Variants in ICA1 observed in about 807,000 individuals in gnomAD.
ICA1 encodes the protein islet cell autoantigen 1.
ICA1 carries 40 observed loss-of-function variants against 71.0 expected under a neutral mutation model. That is an observed-to-expected ratio of 0.56 (90% CI 0.44 to 0.73). ICA1 has a LOEUF of 0.73. Among genes scored for constraint, ICA1 ranks in the 30% least tolerant of loss-of-function variants. The pLI is 0.00. For missense variants in ICA1, 578 were observed against 576.5 expected, an observed-to-expected ratio of 1.00 and a Z score of -0.03; for synonymous variants, 207 against 209.5, an observed-to-expected ratio of 0.99 and a Z score of 0.10.
chr7:8,188,348 A>G (rs1215538061), intron 6 of ICA1, among the ~76,000 whole-genome samples: 1 of 152,144 alleles, frequency 6.6e-6, no homozygotes, highest in Non-Finnish European at 1.5e-5. Flanking sequence ...CCATTCTTGT[A>G]GCATCCTACA....
chr7:8,178,193 T>C (rs2128250928), intron 6 of ICA1, among the ~76,000 whole-genome samples: 1 of 152,332 alleles, frequency 6.6e-6, no homozygotes, highest in Non-Finnish European at 1.5e-5. Context: ...TGGTGTCACG[T>C]TGTTTCTCCT....
At chr7:8,251,944 G>A (rs1163980589) in intron 1 of ICA1, among the ~76,000 whole-genome samples, 1 of 152,112 alleles carries the variant, frequency 6.6e-6, no homozygotes, top group Non-Finnish European at 1.5e-5. Flanking sequence ...GATCGATGGT[G>A]AATTTTGTGC....
At chr7:8,126,731 AGT>A (rs1789342334) in intron 13 of ICA1, among the ~76,000 whole-genome samples, 1 of 152,230 alleles carries the variant, frequency 6.6e-6, no homozygotes, top group African/African-American at 2.4e-5. Flanking sequence ...AAACCAAAAC[AGT>A]TTGATAATTT....
intron 12 of ICA1, among the ~76,000 whole-genome samples, chr7:8,134,846 CA>C (rs561604512): frequency 6.6e-6 from 1 of 151,580 alleles, no homozygotes; most frequent in East Asian, 1.9e-4. Context: ...CAAAACAAAA[CA>C]AAAAACAAAC....
At chr7:8,174,574 G>A (rs180879588) in intron 6 of ICA1, among the ~76,000 whole-genome samples, 4 of 151,722 alleles carry the variant, frequency 2.6e-5, no homozygotes, top group East Asian at 1.9e-4. Context: ...CAGGTGGGTC[G>A]CTTGAGCTCA....
intron 8 of ICA1, among the ~76,000 whole-genome samples, chr7:8,146,565 C>T (rs1157847374): frequency 6.6e-6 from 1 of 151,954 alleles, no homozygotes; most frequent in African/African-American, 2.4e-5. Context: ...CAACTAAATG[C>T]AATACACGAT....
At chr7:8,136,127 A>C (rs891719890) in intron 12 of ICA1, among the ~76,000 whole-genome samples, 67 of 152,188 alleles carry the variant, frequency 4.4e-4, no homozygotes, top group African/African-American at 1.6e-3. Flanking sequence ...GGAGAAAGCC[A>C]ATGTCATTAC....
chr7:8,235,428 C>T (rs1801549818), intron 2 of ICA1, among the ~76,000 whole-genome samples: 3 of 152,068 alleles, frequency 2.0e-5, no homozygotes, highest in South Asian at 4.1e-4. Context: ...TATTCAGCAT[C>T]ATTTACTTTT....
At chr7:8,200,950 C>T (rs1789434308) in intron 6 of ICA1, among the ~76,000 whole-genome samples, 1 of 152,110 alleles carries the variant, frequency 6.6e-6, no homozygotes, top group Non-Finnish European at 1.5e-5. Context: ...CTACTTTTAC[C>T]ACTGCTCTAT....
At chr7:8,186,830 G>A (rs567266516) in intron 6 of ICA1, among the ~76,000 whole-genome samples, 2 of 152,120 alleles carry the variant, frequency 1.3e-5, no homozygotes, top group East Asian at 3.9e-4. Context: ...ATGAAAACTA[G>A]TTAGAGTTGT....
chr7:8,180,537 T>TA (rs1426753490), intron 6 of ICA1, among the ~76,000 whole-genome samples: 1 of 152,160 alleles, frequency 6.6e-6, no homozygotes, highest in Non-Finnish European at 1.5e-5. Flanking sequence ...GTATATGCCT[T>TA]AAAGTATACG....
Position 8,158,588 on chromosome 7 carries a change from T to A in ICA1, c.644A>T (p.Lys215Ile). Residue 215 changes from lysine to isoleucine, a missense_variant, in exon 7 of 14, where the codon AAA becomes ATA. Coordinates refer to ENST00000402384, the MANE Select transcript of ICA1 (RefSeq NM_001136020.3). ...TCTGCTCGCTCCAAGAAGATCCACT[T>A]TTTGACAAACATCCATCTTCAATTT... is the stretch of plus-strand genomic sequence containing the variant. ...FDKLKMDVCQ[K>I]VDLLGASRCN... 2.5e-6 allele frequency: 4 copies of A among 1,614,192 alleles called. No individual in the cohort carries two copies. Among genetic ancestry groups the A allele is most frequent in the Non-Finnish European group, 3.4e-6 (4 of 1,180,026 alleles).
At chr7:8,115,004 A>T (rs1483476547) in intron 13 of ICA1, 1 of 152,194 alleles carries the variant, frequency 6.6e-6, no homozygotes, top group East Asian at 1.9e-4. Flanking sequence ...CAAGTTGCTA[A>T]AAGTGGTTAG....
chr7:8,168,925 G>T (rs1179896457), intron 6 of ICA1, among the ~76,000 whole-genome samples: 1 of 151,996 alleles, frequency 6.6e-6, no homozygotes, highest in East Asian at 1.9e-4. Flanking sequence ...ATGAATTTTT[G>T]AACAAACGTA....
At chr7:8,159,876 C>G (rs1234295953) in intron 6 of ICA1, among the ~76,000 whole-genome samples, 1 of 152,132 alleles carries the variant, frequency 6.6e-6, no homozygotes, top group Admixed American at 6.6e-5. Flanking sequence ...AAAAGCTGTA[C>G]ATATTCAGTG....
chr7:8,114,117 G>A (rs1784018018), intron 13 of ICA1, 73 bp from the exon 14 acceptor site: 2 of 1,532,328 alleles, frequency 1.3e-6, no homozygotes, highest in Non-Finnish European at 1.8e-6. Context: ...GATGCAGGCA[G>A]GTCCAGGTCA....
intron 1 of ICA1, among the ~76,000 whole-genome samples, chr7:8,258,460 C>T (rs1163065456): frequency 6.6e-6 from 1 of 152,224 alleles, no homozygotes. Flanking sequence ...TAGGTTTACA[C>T]TGGGACAAGG....
chr7:8,204,573 T>C (rs952110684), intron 6 of ICA1, among the ~76,000 whole-genome samples: 14 of 152,222 alleles, frequency 9.2e-5, no homozygotes, highest in African/African-American at 2.7e-4. Context: ...GGGAAAACTC[T>C]AGGCTGGGAA....
At chr7:8,199,266 A>G (rs1160573404) in intron 6 of ICA1, among the ~76,000 whole-genome samples, 1 of 152,234 alleles carries the variant, frequency 6.6e-6, no homozygotes, top group Admixed American at 6.5e-5. Flanking sequence ...TCAAAGACAT[A>G]TCTGCACTCC....
Sources: gnomAD v4.1 joint callset for allele counts (sites outside exome capture counted in the v4.1 genomes callset) on GRCh38, gnomAD v4.1.1 for gene constraint, MANE v1.5 for transcripts, NCBI Gene and HGNC (gene_info 2026-07-23, HGNC 2026-07-21) for gene names.